Variants in CPN2 observed in about 807,000 individuals in gnomAD.
CPN2 encodes the protein carboxypeptidase N subunit 2, also known as carboxypeptidase N 83 kDa chain.
For missense variants in CPN2, 620 were observed against 671.4 expected, an observed-to-expected ratio of 0.92 and a Z score of 0.85; for synonymous variants, 336 against 318.4, an observed-to-expected ratio of 1.06 and a Z score of -0.59.
At chr3:194,342,763 C>A in intron 1 of CPN2, 58 bp from the exon 2 acceptor site, 1 of 768,232 alleles carries the variant, frequency 1.3e-6, no homozygotes. Context: ...CACAGCATGG[C>A]ACAGTGACCA....
chr3:194,348,792 T>C (rs912589873), intron 1 of CPN2, among the ~76,000 whole-genome samples: 2 of 152,040 alleles, frequency 1.3e-5, no homozygotes, highest in Non-Finnish European at 2.9e-5. Flanking sequence ...CTCGAGAGGC[T>C]GAGGTGGGAG....
chr3:194,346,735 T>C (rs1713061382), intron 1 of CPN2, among the ~76,000 whole-genome samples: 2 of 152,228 alleles, frequency 1.3e-5, no homozygotes, highest in South Asian at 4.1e-4. Flanking sequence ...GCTCAGGGCC[T>C]GGCACATGGC....
At position 194,342,425 on chromosome 3, in the gene CPN2, A is replaced by C; in HGVS notation, c.278T>G (p.Phe93Cys). Reference protein sequence around the residue: ...TQLCQFRPDAFGGLPRLEDLE... With the variant: ...TQLCQFRPDACGGLPRLEDLE... ...GTCCTCCAGCCTGGGCAGCCCCCCG[A>C]AGGCATCCGGCCTAAACTGGCAGAG... Residue 93 changes from phenylalanine to cysteine, a missense_variant, in exon 2 of 2, where the codon TTC (phenylalanine) becomes TGC (cysteine). By Grantham distance (205) the Phe-to-Cys change is radical (BLOSUM62 -2). Transcript: ENST00000323830. 1 of 1,614,168 alleles carries C rather than the reference A, an allele frequency of 6.2e-7. No individual in the cohort carries two copies. Among genetic ancestry groups the C allele is most frequent in the Non-Finnish European group, 8.5e-7 (1 of 1,179,994 alleles).
Position 194,342,332 on chromosome 3 carries a change from C to T in CPN2, c.371G>A (p.Gly124Asp), listed in dbSNP as rs759267777. Residue 124 changes from glycine to aspartate, a missense_variant, in exon 2 of 2, where the codon GGC (glycine) becomes GAC (aspartate). Coordinates refer to ENST00000323830, the MANE Select transcript of CPN2 (RefSeq NM_001080513.4). Reference protein sequence around the residue: ...TNIFSNLTSLGKLTLNFNMLE... With the variant: ...TNIFSNLTSLDKLTLNFNMLE... ...CATGTTGAAGTTGAGGGTGAGCTTG[C>T]CCAGCGAGGTCAGGTTGGAGAAGAT... 3 of 1,613,898 alleles carry T rather than the reference C, an allele frequency of 1.9e-6. No individual in the cohort carries two copies. Among genetic ancestry groups the T allele is most frequent in the African/African-American group, 1.3e-5 (1 of 74,904 alleles).
chr3:194,350,276 G>T (rs1281885518), intron 1 of CPN2, among the ~76,000 whole-genome samples: 1 of 149,758 alleles, frequency 6.7e-6, no homozygotes, highest in East Asian at 1.9e-4. Flanking sequence ...CACTGAGAAG[G>T]CAGTCAGGCC....
chr3:194,349,285 C>T (rs530570891), intron 1 of CPN2, among the ~76,000 whole-genome samples: 5 of 152,204 alleles, frequency 3.3e-5, no homozygotes, highest in East Asian at 1.9e-4. Flanking sequence ...CGCTAGAACC[C>T]GGGAGGCGGA....
Position 194,340,941 on chromosome 3 carries a change from G to A in CPN2, c.*124C>T. ...ACCAGACTCCACCCCCTCACCTTGG[G>A]GATGTAACCCTGTCCCTTGCATGTG... is the stretch of plus-strand genomic sequence containing the variant. On this transcript the variant is annotated 3_prime_UTR_variant, in exon 2 of 2. Transcript: ENST00000323830. 2.9e-6 allele frequency: 4 copies of A among 1,391,728 alleles called. No individual in the cohort carries two copies. The highest frequency in any genetic ancestry group is 2.5e-5 in the East Asian group (1 of 39,704). 86.2% of individuals were successfully genotyped at this position (1,391,728 alleles called of 1,614,324 possible).
intron 1 of CPN2, among the ~76,000 whole-genome samples, chr3:194,350,247 C>G (rs1441517906): frequency 6.6e-6 from 1 of 152,188 alleles, no homozygotes; most frequent in East Asian, 1.9e-4. Flanking sequence ...TGCACCCCAG[C>G]ACCTGGCTCG....
At chr3:194,349,222 G>T (rs1197124295) in intron 1 of CPN2, among the ~76,000 whole-genome samples, 1 of 152,048 alleles carries the variant, frequency 6.6e-6, no homozygotes, top group East Asian at 1.9e-4. Flanking sequence ...TTAGCTGGGC[G>T]TGGTGGTGTG....
intron 1 of CPN2, among the ~76,000 whole-genome samples, chr3:194,343,963 T>C (rs1185021217): frequency 6.6e-6 from 1 of 152,090 alleles, no homozygotes; most frequent in Admixed American, 6.5e-5. Flanking sequence ...TACCAAAAAT[T>C]TAAAAAAGAA....
chr3:194,341,969 C>A lies in CPN2; in HGVS notation c.734G>T (p.Arg245Met). Residue 245 changes from arginine (R) to methionine (M), a missense_variant, in exon 2 of 2, where the codon AGG (arginine) becomes ATG (methionine). Physicochemically the swap from Arg to Met is moderately conservative, Grantham distance 91. Transcript: ENST00000323830. ...GATGGCGTTGCGTTGCAGCCACAGC[C>A]TCTCTAGGCAGAAGAGCTGGGAGAA... ...QVFSQLFCLE[R>M]LWLQRNAITH... The A allele has an allele frequency of 1.2e-6, 2 of 1,614,162 alleles. No homozygotes were observed. The highest frequency in any genetic ancestry group is 1.7e-6 in the Non-Finnish European group (2 of 1,180,044).
At chr3:194,345,745 G>A (rs528118830) in intron 1 of CPN2, among the ~76,000 whole-genome samples, 1 of 152,162 alleles carries the variant, frequency 6.6e-6, no homozygotes, top group Non-Finnish European at 1.5e-5. Context: ...CATCCCTCCC[G>A]CCAGGAAAAC....
Position 194,340,813 on chromosome 3 carries a change from T to G in CPN2, c.*252A>C. On this transcript the variant is annotated 3_prime_UTR_variant, in exon 2 of 2. Coordinates refer to ENST00000323830, the MANE Select transcript of CPN2 (RefSeq NM_001080513.4). The stretch of plus-strand genomic sequence containing the variant: ...TTTATTCTCCAGGCTGTGGTGCAGC[T>G]TTTGAGGGTGCTTTGCAAGGCATAA... The G allele has an allele frequency of 2.0e-6, 1 of 496,514 alleles. No homozygotes were observed. The highest frequency in any genetic ancestry group is 4.2e-5 in the South Asian group (1 of 23,812). The allele number at this position is 496,514 out of a possible 1,614,324, so 30.8% of individuals were successfully genotyped here.
chr3:194,348,480 A>G (rs1713139875), intron 1 of CPN2, among the ~76,000 whole-genome samples: 1 of 152,208 alleles, frequency 6.6e-6, no homozygotes, highest in African/African-American at 2.4e-5. Context: ...CTCAAATGAG[A>G]GAACAGGCAT....
chr3:194,343,219 C>T (rs1437832015), intron 1 of CPN2, among the ~76,000 whole-genome samples: 6 of 152,154 alleles, frequency 3.9e-5, no homozygotes, highest in Non-Finnish European at 8.8e-5. Context: ...AGGAGATTTC[C>T]AACGTCATGT....
At chr3:194,346,289 G>A (rs1312345703) in intron 1 of CPN2, among the ~76,000 whole-genome samples, 1 of 152,236 alleles carries the variant, frequency 6.6e-6, no homozygotes, top group Non-Finnish European at 1.5e-5. Flanking sequence ...TGGGTACCCA[G>A]AGCATGGTTT....
In CPN2 at chr3:194,341,904, G is replaced by A; in HGVS notation, c.799C>T (p.Leu267=). 1 of 1,614,238 alleles carries A rather than the reference G, an allele frequency of 6.2e-7. No individual in the cohort carries two copies. Among genetic ancestry groups the A allele is most frequent in the East Asian group, 2.2e-5 (1 of 44,884 alleles). ...TTCCACTGCAAGCTCAGAAAGGTCA[G>A]ATTACCCAGGGAGGCAAAGATGGAG... ...PLSIFASLGN[L]TFLSLQWNML... The change falls in exon 2 of 2, where the codon CTG becomes TTG. Residue 267 remains leucine (L), a synonymous_variant. Transcript: ENST00000323830.
intron 1 of CPN2, among the ~76,000 whole-genome samples, chr3:194,346,098 T>G (rs1383903367): frequency 2.6e-5 from 4 of 152,162 alleles, no homozygotes; most frequent in Non-Finnish European, 4.4e-5. Context: ...CTCCCGCACA[T>G]ACATCTTGAT....
chr3:194,342,143 T>C lies in CPN2; in HGVS notation c.560A>G (p.Glu187Gly), dbSNP rs1176428995. ...CAGGCTGGTGAGTGGGTGGAACAGC[T>C]CCTCCGGGAGCTGGGCCAGGAGGTT... Reference protein sequence around the residue: ...AQNLLAQLPEELFHPLTSLQT... With the variant: ...AQNLLAQLPEGLFHPLTSLQT... Residue 187 changes from glutamate to glycine, a missense_variant, in exon 2 of 2, where the codon GAG (glutamate) becomes GGG (glycine). Coordinates refer to ENST00000323830, the MANE Select transcript of CPN2 (RefSeq NM_001080513.4). 4.3e-6 allele frequency: 7 copies of C among 1,613,918 alleles called. No homozygotes were observed. Among genetic ancestry groups the C allele is most frequent in the Admixed American group, 1.7e-5 (1 of 60,016 alleles).
Sources: allele counts gnomAD v4.1 joint callset (sites outside exome capture counted in the v4.1 genomes callset), GRCh38; gene constraint gnomAD v4.1.1; transcripts MANE v1.5; gene names NCBI Gene and HGNC (gene_info 2026-07-23, HGNC 2026-07-21).